Variants in MTUS2 observed in about 807,000 individuals in gnomAD.
MTUS2 encodes microtubule-associated tumor suppressor candidate 2.
In MTUS2, 40 loss-of-function variants were observed where a neutral mutation model predicts 114.1. The ratio of observed to expected loss-of-function variants is 0.35; its 90% CI spans 0.27 to 0.46. The LOEUF (loss-of-function observed/expected upper bound fraction) is 0.46, where lower values mean the gene tolerates loss of function less well. Among genes scored for constraint, MTUS2 ranks in the 20% least tolerant of loss-of-function variants. MTUS2 has a pLI of 1.00. For missense variants in MTUS2, 1,679 were observed against 1,705.4 expected, an observed-to-expected ratio of 0.98 and a Z score of 0.27; for synonymous variants, 688 against 672.0, an observed-to-expected ratio of 1.02 and a Z score of -0.37.
chr13:29,390,987 T>G (rs556755883), intron 8 of MTUS2, among the ~76,000 whole-genome samples: 1 of 152,074 alleles, frequency 6.6e-6, no homozygotes, highest in African/African-American at 2.4e-5. Context: ...TTCACCATAT[T>G]GGTCGGGCTG....
At chr13:29,455,125 A>T (rs193290951) in intron 9 of MTUS2, among the ~76,000 whole-genome samples, 10 of 152,324 alleles carry the variant, frequency 6.6e-5, no homozygotes, top group African/African-American at 2.4e-4. Flanking sequence ...GAAGAGGTAA[A>T]CACCAGAGTA....
chr13:29,160,349 C>T (rs773248071), intron 5 of MTUS2, among the ~76,000 whole-genome samples: 7 of 152,122 alleles, frequency 4.6e-5, no homozygotes, highest in Non-Finnish European at 7.4e-5. Context: ...ATCTAGCTTA[C>T]TTTATTGTGA....
At chr13:29,240,479 A>G (rs901965087) in intron 5 of MTUS2, among the ~76,000 whole-genome samples, 2 of 152,210 alleles carry the variant, frequency 1.3e-5, no homozygotes, top group Non-Finnish European at 2.9e-5. Flanking sequence ...CGAATATCTG[A>G]TCCTTGTTTA....
intron 8 of MTUS2, among the ~76,000 whole-genome samples, chr13:29,411,310 A>G (rs913573272): frequency 2.0e-5 from 3 of 152,218 alleles, no homozygotes; most frequent in African/African-American, 7.2e-5. Flanking sequence ...GCTACCCAGC[A>G]CTACTTATTA....
intron 9 of MTUS2, among the ~76,000 whole-genome samples, chr13:29,469,551 T>C (rs1195443431): frequency 6.7e-6 from 1 of 149,998 alleles, no homozygotes; most frequent in Non-Finnish European, 1.5e-5. Flanking sequence ...GGCGTGAACC[T>C]GGGAGGCAGA....
At position 29,039,819 on chromosome 13, in the gene MTUS2, G is replaced by C. The variant is rs375426485; in HGVS notation, c.2446+5694G>C. On this transcript the variant is annotated intron_variant, in intron 4 of 15. Coordinates refer to ENST00000612955, the MANE Select transcript of MTUS2 (RefSeq NM_001033602.4). Reference sequence around the variant, plus strand: ...TAATGTCACTTTTTGCAATTTTGCTGTTAAGAAAATGGAGTCATCAAGTTT... The same window carrying C: ...TAATGTCACTTTTTGCAATTTTGCTCTTAAGAAAATGGAGTCATCAAGTTT... 2.1e-3 allele frequency among the ~76,000 whole-genome samples: 323 copies of C among 152,304 alleles called. 3 individuals carry two copies. Among genetic ancestry groups the C allele is most frequent in the African/African-American group, 5.3e-3 (222 of 41,570 alleles).
intron 7 of MTUS2, among the ~76,000 whole-genome samples, chr13:29,355,673 G>A (rs554758813): frequency 5.4e-4 from 83 of 152,300 alleles, no homozygotes; most frequent in Non-Finnish European, 9.9e-4. Context: ...GGTGTCAAAT[G>A]TTTTTGTCGC....
intron 2 of MTUS2, among the ~76,000 whole-genome samples, chr13:28,971,100 C>G (rs11840461): frequency 6.6e-6 from 1 of 152,164 alleles, no homozygotes; most frequent in Admixed American, 6.5e-5. Context: ...ATTGAAAAAT[C>G]GTGCCAGAAA....
chr13:29,001,979 A>G (rs9671063), intron 2 of MTUS2, among the ~76,000 whole-genome samples: 2,692 of 152,236 alleles, frequency 0.018, 83 homozygotes, highest in African/African-American at 0.061. Context: ...TTGATGGAAG[A>G]GGTATGGAAA....
In MTUS2 at chr13:29,204,210, G is replaced by A. The variant is rs971411303; in HGVS notation, c.2645-77494G>A. 9.2e-5 allele frequency among the ~76,000 whole-genome samples: 14 copies of A among 152,204 alleles called. No homozygotes were observed. The South Asian group carries it at 1.5e-3, about 16-fold the overall frequency. ...CCTGACTTTGTGATCTGCCTGCCTC[G>A]GTCTCCCAAAGTGTTAGGATTACAG... is the stretch of plus-strand genomic sequence containing the variant. On this transcript the variant is annotated intron_variant, in intron 5 of 15. Coordinates refer to ENST00000612955, the MANE Select transcript of MTUS2 (RefSeq NM_001033602.4).
At chr13:29,475,209 C>T (rs1001576720) in intron 9 of MTUS2, among the ~76,000 whole-genome samples, 4 of 152,180 alleles carry the variant, frequency 2.6e-5, no homozygotes, top group Non-Finnish European at 5.9e-5. Flanking sequence ...CACCCGGTGA[C>T]GTCAGAGCCT....
intron 3 of MTUS2, among the ~76,000 whole-genome samples, chr13:29,028,742 G>A (rs1886678681): frequency 6.6e-6 from 1 of 152,028 alleles, no homozygotes; most frequent in African/African-American, 2.4e-5. Context: ...TGACTATAAT[G>A]TAAACTCCAT....
chr13:29,050,664 A>G (rs1344294978), intron 4 of MTUS2, among the ~76,000 whole-genome samples: 1 of 152,112 alleles, frequency 6.6e-6, no homozygotes, highest in Non-Finnish European at 1.5e-5. Flanking sequence ...CTCTGGTTCT[A>G]CCCGTGTCCT....
At chr13:29,407,066 G>A (rs890053234) in intron 8 of MTUS2, among the ~76,000 whole-genome samples, 3 of 151,782 alleles carry the variant, frequency 2.0e-5, no homozygotes, top group East Asian at 1.9e-4. Context: ...CCAACATGGT[G>A]AAACCCTGTG....
chr13:29,337,823 C>G (rs1316108796), intron 7 of MTUS2, among the ~76,000 whole-genome samples: 2 of 148,136 alleles, frequency 1.4e-5, no homozygotes, highest in African/African-American at 2.6e-5. Context: ...GAGTCTCGCT[C>G]TGTTGCCTGG....
At chr13:29,501,826 AC>A (rs1014888740) in intron 15 of MTUS2, among the ~76,000 whole-genome samples, 1 of 93,754 alleles carries the variant, frequency 1.1e-5, no homozygotes, top group African/African-American at 4.2e-5. Flanking sequence ...GCATACACTC[AC>A]ATGCACTCAC....
chr13:28,859,623 C>T (rs1190925730), intron 2 of MTUS2, among the ~76,000 whole-genome samples: 3 of 151,998 alleles, frequency 2.0e-5, no homozygotes, highest in Non-Finnish European at 4.4e-5. Context: ...CATTATTAGA[C>T]TTAAGGACAG....
At position 29,498,540 on chromosome 13, in the gene MTUS2, G is replaced by A; in HGVS notation, c.3798+3G>A. 6.2e-7 allele frequency: 1 copy of A among 1,614,044 alleles called. No individual in the cohort carries two copies. Among genetic ancestry groups the A allele is most frequent in the Non-Finnish European group, 8.5e-7 (1 of 1,179,958 alleles). On this transcript the variant is annotated splice_donor_region_variant and intron_variant, in intron 14 of 15. Transcript: ENST00000612955. ...AGATTCTTGAGCTGGAAAAGCTGGT[G>A]AGTTGGTCTGTTTGCTCGGGAGAGT... is the stretch of plus-strand genomic sequence containing the variant.
intron 4 of MTUS2, 149 bp downstream of exon 4, chr13:29,034,274 T>A: frequency 6.7e-6 from 7 of 1,040,548 alleles, no homozygotes; most frequent in South Asian, 1.6e-5. Flanking sequence ...ATGCAGACAT[T>A]TGTGAAACTC....
Sources: allele counts gnomAD v4.1 joint callset (sites outside exome capture counted in the v4.1 genomes callset), GRCh38; gene constraint gnomAD v4.1.1; transcripts MANE v1.5; gene names NCBI Gene and HGNC (gene_info 2026-07-23, HGNC 2026-07-21).